Variants in KCNN2 observed in about 807,000 individuals in gnomAD.
KCNN2 encodes the protein small conductance calcium-activated potassium channel protein 2.
Under a neutral mutation model 55.5 loss-of-function variants are expected in KCNN2, and 24 were observed. That is an observed-to-expected ratio of 0.43 (90% CI 0.31 to 0.61). The LOEUF (loss-of-function observed/expected upper bound fraction) is 0.61. Ranked by LOEUF, KCNN2 falls within the 20% of genes least tolerant of loss-of-function variation. The pLI is 0.08. For missense variants in KCNN2, 754 were observed against 853.6 expected (o/e 0.88, Z 1.45); for synonymous variants, 431 against 336.1 (o/e 1.28, Z -3.09).
At chr5:114,065,981 A>G (rs1750440468) in intron 1 of KCNN2, among the ~76,000 whole-genome samples, 3 of 147,042 alleles carry the variant, frequency 2.0e-5, no homozygotes. Flanking sequence ...TTATATGACT[A>G]TCATTACATT....
chr5:114,067,152 A>C (rs1750468884), intron 1 of KCNN2, among the ~76,000 whole-genome samples: 1 of 152,236 alleles, frequency 6.6e-6, no homozygotes. Flanking sequence ...GGTCCACAGT[A>C]GGATCTGCCA....
chr5:114,421,550 T>C (rs549991782), intron 3 of KCNN2, among the ~76,000 whole-genome samples: 41 of 151,826 alleles, frequency 2.7e-4, no homozygotes, highest in Non-Finnish European at 4.0e-4. Context: ...CTAATTTATA[T>C]TCCTACCAGA....
At chr5:114,161,986 C>A (rs757576605) in intron 1 of KCNN2, among the ~76,000 whole-genome samples, 6 of 152,204 alleles carry the variant, frequency 3.9e-5, no homozygotes, top group Non-Finnish European at 7.3e-5. Context: ...TCTTCTGAAG[C>A]CTTCTTCTCT....
At position 114,306,003 on chromosome 5, in the gene KCNN2, A is replaced by C. The variant is rs187282338; in HGVS notation, c.-184-54942A>C. On this transcript the variant is annotated intron_variant, in intron 2 of 10. Transcript: ENST00000512097. The stretch of plus-strand genomic sequence containing the variant: ...TCATCAGGTCTAATAACATGATGTC[A>C]TCAACTGTAGTGAAACAGCATAATA... Among the ~76,000 whole-genome samples, 14 of 152,364 alleles carry C rather than the reference A, an allele frequency of 9.2e-5. No individual in the cohort carries two copies. The East Asian group carries it at 2.7e-3, about 29-fold the overall frequency.
At chr5:114,442,206 C>T (rs1277112216) in intron 3 of KCNN2, among the ~76,000 whole-genome samples, 3 of 151,636 alleles carry the variant, frequency 2.0e-5, no homozygotes, top group South Asian at 2.1e-4. Context: ...AGACATCCCT[C>T]TCAGTGCATC....
intron 2 of KCNN2, among the ~76,000 whole-genome samples, chr5:114,270,695 T>C (rs866229477): frequency 7.9e-5 from 12 of 152,168 alleles, no homozygotes; most frequent in African/African-American, 2.9e-4. Flanking sequence ...ACCTGAGAAA[T>C]CTGTCACTCA....
intron 1 of KCNN2, among the ~76,000 whole-genome samples, chr5:114,192,859 C>T (rs1347813313): frequency 1.3e-5 from 2 of 152,050 alleles, no homozygotes; most frequent in East Asian, 1.9e-4. Flanking sequence ...CTACTCTTTG[C>T]CCCCAGCCTT....
chr5:114,306,179 G>A (rs1454845079), intron 2 of KCNN2, among the ~76,000 whole-genome samples: 1 of 152,116 alleles, frequency 6.6e-6, no homozygotes, highest in African/African-American at 2.4e-5. Context: ...TTTACTGATG[G>A]TGATTAAGAA....
At chr5:114,442,327 A>G (rs1322938749) in intron 3 of KCNN2, among the ~76,000 whole-genome samples, 2 of 151,760 alleles carry the variant, frequency 1.3e-5, no homozygotes, top group African/African-American at 4.8e-5. Flanking sequence ...GAAAAGAGTA[A>G]CTTCTGTTCA....
chr5:114,291,332 C>T (rs981241900), intron 2 of KCNN2, among the ~76,000 whole-genome samples: 22 of 152,036 alleles, frequency 1.4e-4, no homozygotes, highest in African/African-American at 5.3e-4. Context: ...AATGCTATCC[C>T]TCCCCCCTCT....
At chr5:114,075,370 A>G (rs182324749) in intron 1 of KCNN2, among the ~76,000 whole-genome samples, 1 of 152,324 alleles carries the variant, frequency 6.6e-6, no homozygotes, top group Admixed American at 6.5e-5. Flanking sequence ...TTTTGGAAGG[A>G]ATCCGAAAGG....
intron 1 of KCNN2, among the ~76,000 whole-genome samples, chr5:114,106,529 A>G (rs1305198366): frequency 6.6e-6 from 1 of 150,932 alleles, no homozygotes; most frequent in Non-Finnish European, 1.5e-5. Context: ...AATACTTGGT[A>G]TTGTTATTCT....
At chr5:114,393,638 C>T (rs1201993765) in intron 2 of KCNN2, among the ~76,000 whole-genome samples, 1 of 151,936 alleles carries the variant, frequency 6.6e-6, no homozygotes, top group East Asian at 1.9e-4. Context: ...TTCTAGTGCC[C>T]AGCCACTCAG....
chr5:114,281,027 A>G (rs1435091449), intron 2 of KCNN2, among the ~76,000 whole-genome samples: 1 of 152,046 alleles, frequency 6.6e-6, no homozygotes. Flanking sequence ...ATATAGTCCT[A>G]TGCCTCCTTC....
chr5:114,207,117 G>A (rs1753792188), intron 1 of KCNN2, among the ~76,000 whole-genome samples: 1 of 152,088 alleles, frequency 6.6e-6, no homozygotes, highest in African/African-American at 2.4e-5. Context: ...TGGGAGCTGA[G>A]GGAAGTGTCT....
At chr5:114,262,661 C>T (rs1471210618) in intron 2 of KCNN2, among the ~76,000 whole-genome samples, 2 of 152,158 alleles carry the variant, frequency 1.3e-5, no homozygotes, top group African/African-American at 4.8e-5. Flanking sequence ...ATGAGAAGTG[C>T]TTAGAATAGC....
chr5:114,255,738 A>G (rs895815078), intron 2 of KCNN2, among the ~76,000 whole-genome samples: 3 of 152,202 alleles, frequency 2.0e-5, no homozygotes, highest in African/African-American at 7.2e-5. Context: ...CAGAGATGAT[A>G]GAGGCATAAA....
chr5:114,103,086 ATTTG>A (rs1348031630), intron 1 of KCNN2, among the ~76,000 whole-genome samples: 1 of 152,104 alleles, frequency 6.6e-6, no homozygotes, highest in Non-Finnish European at 1.5e-5. Flanking sequence ...ATATTTTTCC[ATTTG>A]TTTGTGTCCT....
chr5:114,158,362 A>G (rs1306638610), intron 1 of KCNN2, among the ~76,000 whole-genome samples: 3 of 152,026 alleles, frequency 2.0e-5, no homozygotes, highest in Non-Finnish European at 4.4e-5. Flanking sequence ...ATTGGTCTAT[A>G]TCTCTGTTTT....
Sources: gnomAD v4.1 joint callset for allele counts (sites outside exome capture counted in the v4.1 genomes callset) on GRCh38, gnomAD v4.1.1 for gene constraint, MANE v1.5 for transcripts, NCBI Gene and HGNC (gene_info 2026-07-23, HGNC 2026-07-21) for gene names.